KLF8: variants seen among roughly 807,000 people sequenced by gnomAD.
KLF8 encodes the protein Krueppel-like factor 8.
Under a neutral mutation model 18.2 loss-of-function variants are expected in KLF8, and 10 were observed. The observed-to-expected ratio is 0.55, with a 90% CI of 0.34 to 0.93. The LOEUF (loss-of-function observed/expected upper bound fraction) is 0.93. Among genes scored for constraint, KLF8 ranks in the 40% least tolerant of loss-of-function variants. The pLI, the probability that KLF8 is intolerant of heterozygous loss-of-function variation, is 0.02. For synonymous variants in KLF8, 109 were observed against 97.3 expected (o/e 1.12, Z -0.71); for missense variants, 264 against 277.9 (o/e 0.95, Z 0.36).
chrX:56,105,623 T>C, the KLF8 span, among the ~76,000 whole-genome samples: 1 of 109,566 alleles, frequency 9.1e-6, no homozygotes, highest in Non-Finnish European at 1.9e-5. Flanking sequence ...GAGATGGGTC[T>C]CCTGAATACA....
At chrX:55,943,148 G>T in the KLF8 span, among the ~76,000 whole-genome samples, 3 of 111,030 alleles carry the variant, frequency 2.7e-5, no homozygotes, top group South Asian at 1.1e-3. Context: ...CAGAGCAGTT[G>T]GTGGTGCTAT....
chrX:56,210,988 T>C, the KLF8 span, among the ~76,000 whole-genome samples: 1 of 111,109 alleles, frequency 9.0e-6, no homozygotes, highest in Non-Finnish European at 1.9e-5. Context: ...CACAGCTATT[T>C]TGAATTCTCT....
At chrX:55,987,810 C>T in the KLF8 span, among the ~76,000 whole-genome samples, 2 of 112,079 alleles carry the variant, frequency 1.8e-5, no homozygotes, top group East Asian at 2.8e-4. Flanking sequence ...AGTTTACAGT[C>T]CCACCAACAG....
At chrX:56,079,129 T>C in the KLF8 span, among the ~76,000 whole-genome samples, 3 of 111,311 alleles carry the variant, frequency 2.7e-5, no homozygotes, top group South Asian at 7.6e-4. Flanking sequence ...GGGTTTTTTG[T>C]GTCTCTATTT....
At chrX:56,000,978 A>G in the KLF8 span, among the ~76,000 whole-genome samples, 1 of 111,848 alleles carries the variant, frequency 8.9e-6, no homozygotes, top group Admixed American at 9.5e-5. Flanking sequence ...AATTGCTTGG[A>G]AGCTTAGTGA....
the KLF8 span, among the ~76,000 whole-genome samples, chrX:56,094,243 A>G: frequency 6.3e-5 from 7 of 110,790 alleles, no homozygotes; most frequent in Non-Finnish European, 1.3e-4. Context: ...AAAGACCTAG[A>G]TAGGTTATAA....
At chrX:56,110,270 A>T in the KLF8 span, among the ~76,000 whole-genome samples, 1 of 111,521 alleles carries the variant, frequency 9.0e-6, no homozygotes, top group African/African-American at 3.3e-5. Flanking sequence ...TTATAATGTT[A>T]ATATAGTTAC....
the KLF8 span, among the ~76,000 whole-genome samples, chrX:55,986,633 T>A: frequency 8.9e-6 from 1 of 112,343 alleles, no homozygotes; most frequent in Non-Finnish European, 1.9e-5. Flanking sequence ...CTTGACCTCA[T>A]GTATCTTCTT....
chrX:56,160,474 A>C, the KLF8 span, among the ~76,000 whole-genome samples: 1 of 111,217 alleles, frequency 9.0e-6, no homozygotes, highest in Non-Finnish European at 1.9e-5. Flanking sequence ...GATCTGTCTA[A>C]TGTTGACAGT....
chrX:56,222,185 C>T, the KLF8 span, among the ~76,000 whole-genome samples: 4 of 108,902 alleles, frequency 3.7e-5, no homozygotes, highest in African/African-American at 1.3e-4. Flanking sequence ...TAAAGATTCT[C>T]CAAGTCCCCA....
At chrX:56,179,210 C>T in the KLF8 span, among the ~76,000 whole-genome samples, 1 of 111,565 alleles carries the variant, frequency 9.0e-6, no homozygotes, top group Non-Finnish European at 1.9e-5. Context: ...CTTTCACATC[C>T]CTTGTAATTT....
At chrX:56,121,603 T>C in the KLF8 span, among the ~76,000 whole-genome samples, 6 of 14,250 alleles carry the variant, frequency 4.2e-4, no homozygotes, top group Non-Finnish European at 1.1e-3. Context: ...CTTCTTCAGC[T>C]TTTCTTTAGC....
the KLF8 span, among the ~76,000 whole-genome samples, chrX:56,215,060 G>T: frequency 8.9e-6 from 1 of 112,080 alleles, no homozygotes; most frequent in African/African-American, 3.2e-5. Context: ...TGAGTCTTTT[G>T]CAGACAGTGG....
the KLF8 span, among the ~76,000 whole-genome samples, chrX:56,189,222 A>T: frequency 8.9e-6 from 1 of 111,978 alleles, no homozygotes; most frequent in Non-Finnish European, 1.9e-5. Flanking sequence ...ACATGAACAG[A>T]CACTTCTCAA....
the KLF8 span, among the ~76,000 whole-genome samples, chrX:56,145,430 A>G: frequency 1.8e-5 from 2 of 112,432 alleles, no homozygotes; most frequent in Non-Finnish European, 3.8e-5. Flanking sequence ...CAGTTACCGG[A>G]TGGTCCAGCT....
At chrX:55,988,940 A>T in the KLF8 span, among the ~76,000 whole-genome samples, 1 of 111,378 alleles carries the variant, frequency 9.0e-6, no homozygotes, top group East Asian at 2.8e-4. Context: ...TTGGATTCCT[A>T]GGTATTTTAT....
At chrX:56,125,644 G>T in the KLF8 span, among the ~76,000 whole-genome samples, 3 of 112,295 alleles carry the variant, frequency 2.7e-5, no homozygotes, top group Non-Finnish European at 5.6e-5. Flanking sequence ...CCTTAAGTAA[G>T]TACCTTTTCT....
At chrX:55,948,990 T>TA in the KLF8 span, among the ~76,000 whole-genome samples, 1 of 112,042 alleles carries the variant, frequency 8.9e-6, no homozygotes, top group Non-Finnish European at 1.9e-5. Flanking sequence ...AAAGTCCTTT[T>TA]AGACAGTTCC....
chrX:56,037,114 C>A, the KLF8 span, among the ~76,000 whole-genome samples: 10 of 109,721 alleles, frequency 9.1e-5, no homozygotes, highest in Non-Finnish European at 1.7e-4. Context: ...TACAATTTGA[C>A]ACCCTCCTTT....
Sources: gnomAD v4.1 joint callset for allele counts (sites outside exome capture counted in the v4.1 genomes callset) on GRCh38, gnomAD v4.1.1 for gene constraint, MANE v1.5 for transcripts, NCBI Gene and HGNC (gene_info 2026-07-23, HGNC 2026-07-21) for gene names.